Variants in DRC8 observed in about 807,000 individuals in gnomAD.
DRC8 encodes dynein regulatory complex subunit 8, also known as dynein regulatory complex protein 8.
At chr1:245,073,874 G>C in the DRC8 span, among the ~76,000 whole-genome samples, 6 of 152,162 alleles carry the variant, frequency 3.9e-5, no homozygotes, top group Non-Finnish European at 5.9e-5. Flanking sequence ...ATTTTTCACT[G>C]TTCCACAAAG....
chr1:245,089,752 C>T, the DRC8 span, among the ~76,000 whole-genome samples: 3 of 151,870 alleles, frequency 2.0e-5, no homozygotes, highest in African/African-American at 2.4e-5. The surrounding 1 kb of genome is among the most constrained non-coding windows in gnomAD (Gnocchi z 4.8). Context: ...ACAACAGGCT[C>T]GGGGAGTGAT....
chr1:245,084,453 T>A, the DRC8 span, among the ~76,000 whole-genome samples: 2 of 152,300 alleles, frequency 1.3e-5, no homozygotes, highest in South Asian at 2.1e-4. Context: ...TGTCCTTTTT[T>A]AATGTTAATT....
chr1:245,123,052 T>C, the DRC8 span: 1 of 152,220 alleles, frequency 6.6e-6, no homozygotes, highest in African/African-American at 2.4e-5. This position sits in a 1 kb window ranked among gnomAD's most constrained non-coding sequence, Gnocchi z 5.0. Context: ...TTCATCCATG[T>C]TGTAATGTAT....
At chr1:244,990,779 G>C in the DRC8 span, among the ~76,000 whole-genome samples, 2 of 151,176 alleles carry the variant, frequency 1.3e-5, no homozygotes, top group Non-Finnish European at 2.9e-5. Context: ...GGGACTACAG[G>C]CATGAGCCAC....
chr1:245,062,558 C>G, the DRC8 span, among the ~76,000 whole-genome samples: 1 of 152,096 alleles, frequency 6.6e-6, no homozygotes, highest in South Asian at 2.1e-4. Flanking sequence ...TTCTGAAGTT[C>G]CAACCTAAGT....
the DRC8 span, among the ~76,000 whole-genome samples, chr1:245,092,017 C>T: frequency 6.6e-6 from 1 of 152,340 alleles, no homozygotes; most frequent in Middle Eastern, 3.4e-3. Flanking sequence ...TCTCTATTCT[C>T]ACACTGCTGG....
the DRC8 span, chr1:244,969,858 CGCTTCCCGGCGGGAGGCGGGCT>C: frequency 1.9e-5 from 8 of 425,416 alleles, no homozygotes; most frequent in Non-Finnish European, 3.3e-5. Context: ...GCAGCCGGGC[CGCTTCCCGGCGGGAGGCGGGCT>C]GCGAATGGGA....
At chr1:245,084,198 C>T in the DRC8 span, among the ~76,000 whole-genome samples, 1 of 151,592 alleles carries the variant, frequency 6.6e-6, no homozygotes, top group African/African-American at 2.4e-5. Flanking sequence ...TCTCCTGCCT[C>T]AGCCTCCCGA....
At chr1:245,093,620 C>G in the DRC8 span, among the ~76,000 whole-genome samples, 2 of 150,160 alleles carry the variant, frequency 1.3e-5, no homozygotes, top group Non-Finnish European at 3.0e-5. Flanking sequence ...TGCTTGAACC[C>G]GGGAGATAGA....
chr1:244,989,360 C>T, the DRC8 span, among the ~76,000 whole-genome samples: 3 of 152,174 alleles, frequency 2.0e-5, no homozygotes, highest in South Asian at 4.1e-4. Context: ...ATGGCTCCTT[C>T]GGCTCCTCTT....
At chr1:244,970,064 T>A in the DRC8 span, 1 of 643,756 alleles carries the variant, frequency 1.6e-6, no homozygotes, top group South Asian at 1.7e-5. Flanking sequence ...GCGCGTGCTG[T>A]CCCCAAATGG....
At chr1:245,102,759 T>G in the DRC8 span, among the ~76,000 whole-genome samples, 1 of 152,216 alleles carries the variant, frequency 6.6e-6, no homozygotes, top group South Asian at 2.1e-4. Flanking sequence ...AATACAGACT[T>G]TCGAAAAGTG....
chr1:245,107,527 G>T, the DRC8 span, among the ~76,000 whole-genome samples: 1 of 152,206 alleles, frequency 6.6e-6, no homozygotes, highest in Non-Finnish European at 1.5e-5. Context: ...AGACCAACTG[G>T]CATCTAAGAG....
the DRC8 span, among the ~76,000 whole-genome samples, chr1:245,009,308 C>T: frequency 6.6e-6 from 1 of 152,020 alleles, no homozygotes; most frequent in Non-Finnish European, 1.5e-5. Flanking sequence ...GCTGGGATTA[C>T]AGGCATAAGC....
the DRC8 span, among the ~76,000 whole-genome samples, chr1:245,007,901 A>G: frequency 6.6e-6 from 1 of 152,186 alleles, no homozygotes; most frequent in Non-Finnish European, 1.5e-5. Context: ...TCAGTGGCTC[A>G]CGTGTGTAAT....
the DRC8 span, among the ~76,000 whole-genome samples, chr1:245,080,423 C>G: frequency 6.6e-6 from 1 of 152,166 alleles, no homozygotes; most frequent in Admixed American, 6.5e-5. Flanking sequence ...TGACAAAGTT[C>G]TATTTACCAT....
the DRC8 span, among the ~76,000 whole-genome samples, chr1:245,063,966 G>A: frequency 5.3e-5 from 8 of 152,176 alleles, no homozygotes; most frequent in East Asian, 1.9e-4. Flanking sequence ...CAGGTGATCC[G>A]CCCTCCTCGG....
the DRC8 span, among the ~76,000 whole-genome samples, chr1:245,114,463 TAA>T: frequency 0.013 from 1,831 of 138,534 alleles, 43 homozygotes; most frequent in African/African-American, 0.045. Flanking sequence ...AGACTCCATC[TAA>T]AAAAAAAAAA....
the DRC8 span, among the ~76,000 whole-genome samples, chr1:244,972,047 C>T: frequency 1.3e-5 from 2 of 149,874 alleles, no homozygotes; most frequent in Admixed American, 1.3e-4. Context: ...GTTAGGTCAG[C>T]ATGAGAAAAA....
Sources: allele counts gnomAD v4.1 joint callset (sites outside exome capture counted in the v4.1 genomes callset), GRCh38; gene constraint gnomAD v4.1.1; non-coding constraint Gnocchi (gnomAD v3.1); transcripts MANE v1.5; gene names NCBI Gene and HGNC (gene_info 2026-07-23, HGNC 2026-07-21).